Variants in PIP observed in about 807,000 individuals in gnomAD.
PIP encodes the protein prolactin induced protein.
PIP carries 9 observed loss-of-function variants against 12.8 expected under a neutral mutation model. The observed-to-expected ratio is 0.70, with a 90% CI of 0.42 to 1.23. The LOEUF (loss-of-function observed/expected upper bound fraction) is 1.23. Among genes scored for constraint, PIP ranks in the 50% most tolerant of loss-of-function variants. The pLI, the probability that PIP is intolerant of heterozygous loss-of-function variation, is 0.00. For synonymous variants in PIP, 60 were observed against 66.1 expected, an observed-to-expected ratio of 0.91 and a Z score of 0.45; for missense variants, 172 against 179.5, an observed-to-expected ratio of 0.96 and a Z score of 0.24.
In PIP at chr7:143,139,704, T is replaced by C; in HGVS notation, c.*62T>C. 6.7e-7 allele frequency: 1 copy of C among 1,497,696 alleles called. No homozygotes were observed. Among genetic ancestry groups the C allele is most frequent in the Non-Finnish European group, 9.2e-7 (1 of 1,083,378 alleles). The allele number at this position is 1,497,696 out of a possible 1,614,324, so 92.8% of individuals were successfully genotyped here. On this transcript the variant is annotated 3_prime_UTR_variant, in exon 4 of 4. Coordinates refer to ENST00000291009, the MANE Select transcript of PIP (RefSeq NM_002652.3). The stretch of plus-strand genomic sequence containing the variant: ...CCTCTAAAGAAACTTGGCTGGAATT[T>C]CTGCTGTGGTCTATAAAATAAACTT...
In PIP at chr7:143,139,066, C is replaced by T. The variant is rs531284948; in HGVS notation, c.202-9C>T. The T allele has an allele frequency of 7.6e-7, 1 of 1,321,116 alleles. No individual in the cohort carries two copies. The highest frequency in any genetic ancestry group is 1.7e-5 in the Admixed American group (1 of 59,490). The allele number at this position is 1,321,116 out of a possible 1,614,324, so 81.8% of individuals were successfully genotyped here. On this transcript the variant is annotated splice_polypyrimidine_tract_variant and intron_variant, in intron 2 of 3. Transcript: ENST00000291009. The stretch of plus-strand genomic sequence containing the variant: ...CAATGAATTCCCCCTCCCACCTTCT[C>T]CTCACCAGGTTAAAACTTACCTCAT...
Position 143,134,330 on chromosome 7 carries a change from A to T in PIP, c.96-864A>T, listed in dbSNP as rs187278744. 1.7e-3 allele frequency among the ~76,000 whole-genome samples: 254 copies of T among 149,830 alleles called. 1 individual carries two copies. The Middle Eastern group carries it at 0.018, about 10-fold the overall frequency. Reference sequence around the variant, plus strand: ...TGTGCTGCTATAAACATGTGTGTGCAAGTATCTTTTTTGAATAATGACTTC... The same window carrying T: ...TGTGCTGCTATAAACATGTGTGTGCTAGTATCTTTTTTGAATAATGACTTC... On this transcript the variant is annotated intron_variant, in intron 1 of 3. Coordinates refer to ENST00000291009, the MANE Select transcript of PIP (RefSeq NM_002652.3).
At chr7:143,137,679 C>G (rs1379837242) in intron 2 of PIP, among the ~76,000 whole-genome samples, 1 of 152,054 alleles carries the variant, frequency 6.6e-6, no homozygotes, top group Non-Finnish European at 1.5e-5. Flanking sequence ...GTGGGCAGAT[C>G]ACCTGAGGTC....
chr7:143,137,992 G>C lies in PIP; in HGVS notation c.202-1083G>C, dbSNP rs191805441. Among the ~76,000 whole-genome samples, 82 of 152,060 alleles carry C rather than the reference G, an allele frequency of 5.4e-4. 1 individual carries two copies. The highest frequency in any genetic ancestry group is 1.8e-3 in the African/African-American group (73 of 41,516). The stretch of plus-strand genomic sequence containing the variant: ...AAGGCATTCTGAGTAAAACTCCAAG[G>C]GTGAGAACACCTGAATTTACTGTTT... On this transcript the variant is annotated intron_variant, in intron 2 of 3. Coordinates refer to ENST00000291009, the MANE Select transcript of PIP (RefSeq NM_002652.3).
At chr7:143,136,192 T>A (rs1799308261) in intron 2 of PIP, among the ~76,000 whole-genome samples, 1 of 151,974 alleles carries the variant, frequency 6.6e-6, no homozygotes, top group Non-Finnish European at 1.5e-5. Flanking sequence ...ATCTCAGATG[T>A]CACAAGCATG....
chr7:143,135,591 CAGTT>C (rs1799301553), intron 2 of PIP, among the ~76,000 whole-genome samples: 1 of 152,004 alleles, frequency 6.6e-6, no homozygotes, highest in Non-Finnish European at 1.5e-5. Flanking sequence ...AGTAGAGAAG[CAGTT>C]AGAGTCCTTC....
rs745839189 is a variant in PIP at position 143,139,048 on chromosome 7, T to C, written c.202-27T>C. On this transcript the variant is annotated intron_variant, in intron 2 of 3. Transcript: ENST00000291009. ...ACCCATTCCCCAAAATAACAATGAA[T>C]TCCCCCTCCCACCTTCTCCTCACCA... 4.5e-6 allele frequency: 5 copies of C among 1,099,394 alleles called. No individual in the cohort carries two copies. The South Asian group carries it at 4.9e-5, about 11-fold the overall frequency. The allele number at this position is 1,099,394 out of a possible 1,614,324, so 68.1% of individuals were successfully genotyped here.
At chr7:143,134,222 AT>A (rs1563015840) in intron 1 of PIP, among the ~76,000 whole-genome samples, 1,583 of 105,114 alleles carry the variant, frequency 0.015, 70 homozygotes, top group African/African-American at 0.025. Flanking sequence ...ATATATATAT[AT>A]ATATATATAT....
chr7:143,138,679 C>G (rs1037197145), intron 2 of PIP, among the ~76,000 whole-genome samples: 15 of 152,108 alleles, frequency 9.9e-5, no homozygotes, highest in African/African-American at 3.6e-4. Flanking sequence ...TTGGCTCCTA[C>G]ACGCAAGTGG....
chr7:143,138,869 G>T (rs982208463), intron 2 of PIP, among the ~76,000 whole-genome samples: 2 of 152,118 alleles, frequency 1.3e-5, no homozygotes, highest in African/African-American at 4.8e-5. Context: ...ACACTGCTAA[G>T]GCAGGAGTTT....
At chr7:143,132,246 T>C (rs145384141) in intron 1 of PIP, 35 bp downstream of exon 1, 15 of 1,606,590 alleles carry the variant, frequency 9.3e-6, no homozygotes, top group African/African-American at 5.4e-5. Flanking sequence ...ACAAAAAAAA[T>C]TGCAGGGAGG....
intron 1 of PIP, among the ~76,000 whole-genome samples, chr7:143,134,576 G>A (rs944115393): frequency 6.6e-6 from 1 of 151,628 alleles, no homozygotes; most frequent in African/African-American, 2.4e-5. Context: ...AGGTGGTATC[G>A]CATTGTGGTT....
intron 2 of PIP, among the ~76,000 whole-genome samples, chr7:143,137,584 T>C (rs1000808512): frequency 6.6e-6 from 1 of 151,996 alleles, no homozygotes; most frequent in African/African-American, 2.4e-5. Flanking sequence ...TTCATGACGA[T>C]ATGTTGTTGC....
At chr7:143,133,098 G>C (rs116262875) in intron 1 of PIP, among the ~76,000 whole-genome samples, 1 of 152,070 alleles carries the variant, frequency 6.6e-6, no homozygotes, top group African/African-American at 2.4e-5. Flanking sequence ...CCAGATGACA[G>C]TCCACTTAGC....
intron 2 of PIP, among the ~76,000 whole-genome samples, chr7:143,137,362 T>A (rs1359693660): frequency 6.6e-6 from 1 of 152,148 alleles, no homozygotes; most frequent in African/African-American, 2.4e-5. Flanking sequence ...GGTATGTGTT[T>A]CTTTATGCAC....
At position 143,139,622 on chromosome 7, in the gene PIP, G is replaced by GAAATC; in HGVS notation, c.422_426dup (p.Leu143LysfsTer3). The GAAATC allele has an allele frequency of 6.2e-7, 1 of 1,612,176 alleles. No homozygotes were observed. The highest frequency in any genetic ancestry group is 8.5e-7 in the Non-Finnish European group (1 of 1,178,414). On this transcript the variant is annotated frameshift_variant, in exon 4 of 4. Transcript: ENST00000291009. LOFTEE classifies it low-confidence loss of function (END_TRUNC). Reference sequence around the variant, plus strand: ...CAAAAACAACCGGTTTTATACTATTGAAATCCTAAAGGTAGAATAATGGAA... The same window carrying GAAATC: ...CAAAAACAACCGGTTTTATACTATTGAAATCAAATCCTAAAGGTAGAATAATGGAA...
chr7:143,134,668 G>C (rs1472131733), intron 1 of PIP, among the ~76,000 whole-genome samples: 1 of 151,982 alleles, frequency 6.6e-6, no homozygotes, highest in East Asian at 1.9e-4. Flanking sequence ...ATAATGACTT[G>C]AGCCCTCCTA....
At chr7:143,132,360 A>G in intron 1 of PIP, 149 bp downstream of exon 1, 1 of 879,090 alleles carries the variant, frequency 1.1e-6, no homozygotes, top group East Asian at 2.6e-5. Flanking sequence ...GCCAGGTTCC[A>G]CTTCTTGTCC....
Position 143,132,183 on chromosome 7 carries a change from T to G in PIP, c.67T>G (p.Leu23Val), listed in dbSNP as rs145650295. 1.2e-6 allele frequency: 2 copies of G among 1,613,584 alleles called. No homozygotes were observed. The highest frequency in any genetic ancestry group is 1.1e-5 in the South Asian group (1 of 91,084). ...ATLLLVLCLQ[L>V]GANKAQDNTR... is the part of the protein sequence containing the mutation. ...CCTGCTCCTGGTTCTCTGCCTGCAGTTGGGGGCCAACAAAGCTCAGGACAA... is the reference window on the plus strand; with the variant it reads ...CCTGCTCCTGGTTCTCTGCCTGCAGGTGGGGGCCAACAAAGCTCAGGACAA... Residue 23 changes from leucine to valine, a missense_variant, in exon 1 of 4, where the codon TTG (leucine) becomes GTG (valine). Coordinates refer to ENST00000291009, the MANE Select transcript of PIP (RefSeq NM_002652.3).
Sources: gnomAD v4.1 joint callset for allele counts (sites outside exome capture counted in the v4.1 genomes callset) on GRCh38, gnomAD v4.1.1 for gene constraint, MANE v1.5 for transcripts, NCBI Gene and HGNC (gene_info 2026-07-23, HGNC 2026-07-21) for gene names.